Variants in EPB41L3 observed in about 807,000 individuals in gnomAD.
EPB41L3 encodes band 4.1-like protein 3.
EPB41L3 carries 57 observed loss-of-function variants against 127.1 expected under a neutral mutation model. The observed-to-expected ratio is 0.45, with a 90% CI of 0.36 to 0.56. The LOEUF (loss-of-function observed/expected upper bound fraction) is 0.56, where lower values mean the gene tolerates loss of function less well. EPB41L3 is among the 20% of genes least tolerant of loss of function. The pLI is 0.00. For missense variants in EPB41L3, 1,273 were observed against 1,372.2 expected (o/e 0.93, Z 1.14); for synonymous variants, 572 against 549.5 (o/e 1.04, Z -0.57).
At chr18:5,566,467 CA>C (rs1405402923) in intron 3 of EPB41L3, among the ~76,000 whole-genome samples, 2 of 152,124 alleles carry the variant, frequency 1.3e-5, no homozygotes, top group African/African-American at 2.4e-5. Flanking sequence ...AAAGAGGATA[CA>C]AACAAATGGA....
chr18:5,555,700 T>C (rs995181830), intron 3 of EPB41L3, among the ~76,000 whole-genome samples: 1 of 152,126 alleles, frequency 6.6e-6, no homozygotes, highest in African/African-American at 2.4e-5. Context: ...TATCCTGAAA[T>C]AGTCTCTTCT....
intron 14 of EPB41L3, among the ~76,000 whole-genome samples, chr18:5,409,712 C>CAAAA (rs10653732): frequency 1.4e-4 from 20 of 148,120 alleles, no homozygotes; most frequent in African/African-American, 2.2e-4. Flanking sequence ...TAGGATGATG[C>CAAAA]AAAAAAAAAC....
At chr18:5,418,301 G>A (rs897629434) in intron 12 of EPB41L3, among the ~76,000 whole-genome samples, 3 of 152,178 alleles carry the variant, frequency 2.0e-5, no homozygotes, top group Non-Finnish European at 2.9e-5. Flanking sequence ...TTAGTGCTAC[G>A]TTTTATATAA....
upstream of EPB41L3, chr18:5,544,399 G>T: frequency 1.2e-6 from 1 of 832,312 alleles, no homozygotes; most frequent in Non-Finnish European, 1.4e-6. Context: ...ATTGGCTAGG[G>T]ACTGCAGTAT....
Position 5,438,949 on chromosome 18 carries a change from A to G in EPB41L3, c.530-839T>C, listed in dbSNP as rs566853320. Among the ~76,000 whole-genome samples, 3 of 152,330 alleles carry G rather than the reference A, an allele frequency of 2.0e-5. No individual in the cohort carries two copies. The East Asian group carries it at 5.8e-4, about 29-fold the overall frequency. On this transcript the variant is annotated intron_variant, in intron 5 of 22. Transcript: ENST00000341928. ...TCTCATTAACACTAACTCTAATTGT[A>G]TATGGTTTATCAATATAAACATGGA...
At chr18:5,607,759 C>G (rs1010305817) in intron 3 of EPB41L3, among the ~76,000 whole-genome samples, 14 of 151,948 alleles carry the variant, frequency 9.2e-5, no homozygotes, top group Admixed American at 7.9e-4. Context: ...TAATATAATC[C>G]CCCCTGTTCC....
rs2075432255 is a variant in EPB41L3, at chr18:5,406,663, T to C, written c.2349+114A>G. 6 of 949,702 alleles carry C rather than the reference T, an allele frequency of 6.3e-6. 1 individual carries two copies. In the South Asian group the frequency reaches 1.1e-4, roughly 17 times the overall value. 58.8% of individuals were successfully genotyped at this position (949,702 alleles called of 1,614,324 possible). ...TGAGCATCTCAGCTCAGGTTAAACA[T>C]AGGTAGGAAGAGAGATTTTCTACCC... is the stretch of plus-strand genomic sequence containing the variant. On this transcript the variant is annotated intron_variant, in intron 16 of 22. Coordinates refer to ENST00000341928, the MANE Select transcript of EPB41L3 (RefSeq NM_012307.5).
intron 1 of EPB41L3, among the ~76,000 whole-genome samples, chr18:5,526,293 T>C (rs2093219060): frequency 6.6e-6 from 1 of 152,178 alleles, no homozygotes; most frequent in African/African-American, 2.4e-5. Flanking sequence ...ACGTGGATCA[T>C]CACTGAGGTA....
At chr18:5,572,149 C>T (rs1394180228) in intron 3 of EPB41L3, among the ~76,000 whole-genome samples, 1 of 152,170 alleles carries the variant, frequency 6.6e-6, no homozygotes, top group African/African-American at 2.4e-5. Context: ...TTTACATTAC[C>T]AGTTAAGAAC....
chr18:5,421,948 C>T (rs908707092), intron 11 of EPB41L3, among the ~76,000 whole-genome samples: 2 of 151,904 alleles, frequency 1.3e-5, no homozygotes, highest in African/African-American at 4.8e-5. Flanking sequence ...GGCCAAAAAC[C>T]GACTGCTTGT....
chr18:5,530,177 A>G (rs2093366107), intron 1 of EPB41L3, among the ~76,000 whole-genome samples: 1 of 152,112 alleles, frequency 6.6e-6, no homozygotes, highest in Admixed American at 6.5e-5. Context: ...CAAAGTACTT[A>G]TATTTGGGGT....
chr18:5,487,042 A>G (rs557012199), intron 2 of EPB41L3, among the ~76,000 whole-genome samples: 2 of 152,226 alleles, frequency 1.3e-5, no homozygotes, highest in Non-Finnish European at 2.9e-5. Flanking sequence ...TTACTGCAGC[A>G]CTATTCATAG....
At position 5,398,036 on chromosome 18, in the gene EPB41L3, A is replaced by T; in HGVS notation, c.2457T>A (p.Ser819=). The T allele has an allele frequency of 1.9e-6, 3 of 1,614,150 alleles. No individual in the cohort carries two copies. The highest frequency in any genetic ancestry group is 1.1e-5 in the South Asian group (1 of 91,082). Residue 819 remains serine (S), a synonymous_variant, in exon 17 of 23, where the codon TCT becomes TCA. Coordinates refer to ENST00000341928, the MANE Select transcript of EPB41L3 (RefSeq NM_012307.5). ...AAATGGCCACCTGAACCCAGCTTTGAGAAGTAGAAGTAACCCCTCCTATGA... is the reference window on the plus strand; with the variant it reads ...AAATGGCCACCTGAACCCAGCTTTGTGAAGTAGAAGTAACCCCTCCTATGA... The part of the protein sequence containing the change: ...TEFIGGVTST[S]QSWVQKMETK...
chr18:5,414,854 T>A (rs1405502262), intron 13 of EPB41L3, among the ~76,000 whole-genome samples: 1 of 152,198 alleles, frequency 6.6e-6, no homozygotes, highest in African/African-American at 2.4e-5. Flanking sequence ...CTGGCTACCA[T>A]GTCAGCTCGC....
chr18:5,465,886 A>G (rs2084869853), intron 3 of EPB41L3, among the ~76,000 whole-genome samples: 1 of 152,130 alleles, frequency 6.6e-6, no homozygotes. Context: ...CAGATATTCA[A>G]CTGTTAGGGT....
chr18:5,522,439 A>G (rs1265140514), intron 1 of EPB41L3, among the ~76,000 whole-genome samples: 2 of 152,180 alleles, frequency 1.3e-5, no homozygotes, highest in Non-Finnish European at 2.9e-5. Flanking sequence ...ATCTATTTTT[A>G]AACTTCCATG....
rs570346396 is a variant in EPB41L3, at chr18:5,434,865, C to T, written c.606-744G>A. On this transcript the variant is annotated intron_variant, in intron 6 of 22. Coordinates refer to ENST00000341928, the MANE Select transcript of EPB41L3 (RefSeq NM_012307.5). ...AAGTTAACTGTAAAACAGCCTCTGG[C>T]AGGTGCTTCAGAGGTATCAGAAGAA... 2.6e-5 allele frequency among the ~76,000 whole-genome samples: 4 copies of T among 152,316 alleles called. No individual in the cohort carries two copies. The East Asian group carries it at 7.7e-4, about 29-fold the overall frequency.
In EPB41L3 at chr18:5,559,477, C is replaced by CA. The variant is rs150131322; in HGVS notation, c.-306+52862dup. Among the ~76,000 whole-genome samples the CA allele has an allele frequency of 9.9e-3, 1,507 of 152,200 alleles. 11 individuals carry two copies. Among genetic ancestry groups the CA allele is most frequent in the Middle Eastern group, 0.017 (5 of 294 alleles). ...AAGGCAGAGCGTCATAGCAGCAATACAAAAAATGGCAATTTTTTGTAATGG... is the reference window on the plus strand; with the variant it reads ...AAGGCAGAGCGTCATAGCAGCAATACAAAAAAATGGCAATTTTTTGTAATGG... On this transcript the variant is annotated intron_variant, in intron 3 of 21. Transcript: ENST00000545076.
intron 19 of EPB41L3, 31 bp from the exon 20 acceptor site, chr18:5,395,738 C>A (rs764862372): frequency 6.4e-7 from 1 of 1,555,698 alleles, no homozygotes; most frequent in Non-Finnish European, 8.9e-7. Context: ...ACCCCTCATC[C>A]AGGTGCTCAC....
Sources: allele counts gnomAD v4.1 joint callset (sites outside exome capture counted in the v4.1 genomes callset), GRCh38; gene constraint gnomAD v4.1.1; transcripts MANE v1.5; gene names NCBI Gene and HGNC (gene_info 2026-07-23, HGNC 2026-07-21).